The following FASN variants were observed in gnomAD, a reference collection of about 807,000 sequenced individuals.
The protein encoded by FASN is 3-hydroxyacyl-[acyl-carrier-protein] dehydratase.
Under a neutral mutation model 250.0 loss-of-function variants are expected in FASN, and 50 were observed. That is an observed-to-expected ratio of 0.20 (90% CI 0.16 to 0.25). The LOEUF (loss-of-function observed/expected upper bound fraction) is 0.25. Among genes scored for constraint, FASN ranks in the 10% least tolerant of loss-of-function variants. FASN has a pLI of 1.00. For synonymous variants in FASN, 1,909 were observed against 1,584.0 expected (o/e 1.21, Z -4.87); for missense variants, 3,031 against 3,498.5 (o/e 0.87, Z 3.37).
At position 82,082,336 on chromosome 17, in the gene FASN, G is replaced by C. The variant is rs1415038865; in HGVS notation, c.5998C>G (p.Leu2000Val). 1 of 1,612,752 alleles carries C rather than the reference G, an allele frequency of 6.2e-7. No homozygotes were observed. The change falls in exon 35 of 43, where the codon CTG becomes GTG. Residue 2000 changes from leucine (L) to valine (V), a missense_variant. Physicochemically the swap from Leu to Val is conservative, Grantham distance 32. Transcript: ENST00000306749. ...DVCKPKYSGT[L>V]NLDRVTREAC... ...TGCGGTACCCACCTGTCCAGGTTCA[G>C]GGTGCCGCTGTACTTGGGCTTGCAG...
intron 19 of FASN, 87 bp downstream of exon 19, chr17:82,087,598 C>T: frequency 1.9e-6 from 3 of 1,600,770 alleles, no homozygotes; most frequent in Non-Finnish European, 1.7e-6. Flanking sequence ...TCCCAAGCTG[C>T]ATGCCTAGCT....
chr17:82,080,527 T>C lies in FASN; in HGVS notation c.6890A>G (p.Gln2297Arg). 6.4e-7 allele frequency: 1 copy of C among 1,561,192 alleles called. No individual in the cohort carries two copies. Among genetic ancestry groups the C allele is most frequent in the Non-Finnish European group, 8.7e-7 (1 of 1,153,792 alleles). The change falls in exon 40 of 43, where the codon CAG becomes CGG. Residue 2297 changes from glutamine (Q) to arginine (R), a missense_variant. By Grantham distance (43) the Gln-to-Arg change is conservative. Coordinates refer to ENST00000306749, the MANE Select transcript of FASN (RefSeq NM_004104.5). ...AYYIDCIRQV[Q>R]PEGPYRVAGY... ...GGCCACGCGGTAGGGGCCCTCGGGC[T>C]GCACCTGCCTGATGCAGTCGATGTA...
In FASN at chr17:82,082,900, C is replaced by G; in HGVS notation, c.5767+14G>C. ...CTGGCCCAGGCTGGTCCACAAGCAC[C>G]CCTGCCGACTCACCTGTCCGGATCC... On this transcript the variant is annotated intron_variant, in intron 33 of 42. Transcript: ENST00000306749. The G allele has an allele frequency of 1.2e-6, 2 of 1,612,414 alleles. No individual in the cohort carries two copies. Among genetic ancestry groups the G allele is most frequent in the Non-Finnish European group, 1.7e-6 (2 of 1,179,796 alleles).
chr17:82,096,698 G>A (rs2034310197), intron 1 of FASN: 1 of 555,296 alleles, frequency 1.8e-6, no homozygotes, highest in African/African-American at 1.9e-5. Flanking sequence ...TTCAGTTCAG[G>A]GTATTGGCTG....
rs763156226 is a variant in FASN, at chr17:82,083,647, G to A, written c.5219-8C>T. 1.2e-6 allele frequency: 2 copies of A among 1,604,226 alleles called. No individual in the cohort carries two copies. The highest frequency in any genetic ancestry group is 1.7e-6 in the Non-Finnish European group (2 of 1,176,520). ...TCAAGACCAGGTCAACGCCTAGGGG[G>A]CCAGAGGGGCCAGACAATCACACCC... is the stretch of plus-strand genomic sequence containing the variant. On this transcript the variant is annotated splice_polypyrimidine_tract_variant and splice_region_variant and intron_variant, in intron 30 of 42. Transcript: ENST00000306749.
chr17:82,080,779 C>G lies in FASN; in HGVS notation c.6739G>C (p.Val2247Leu), dbSNP rs1054175917. 2 of 1,604,496 alleles carry G rather than the reference C, an allele frequency of 1.2e-6. No individual in the cohort carries two copies. Among genetic ancestry groups the G allele is most frequent in the African/African-American group, 2.7e-5 (2 of 74,742 alleles). The change falls in exon 39 of 43, where the codon GTG (valine) becomes CTG (leucine). Residue 2247 changes from valine (V) to leucine (L), a missense_variant. By Grantham distance (32) the Val-to-Leu change is conservative. Transcript: ENST00000306749. Reference sequence around the variant, plus strand: ...GTGGTGGAGCCCTCGATTGGGTGCACCAGGAACAGGGGCCGCTCCGAGCTC... The same window carrying G: ...GTGGTGGAGCCCTCGATTGGGTGCAGCAGGAACAGGGGCCGCTCCGAGCTC... Reference protein sequence around the residue: ...VQSSERPLFLVHPIEGSTTVF... With the variant: ...VQSSERPLFLLHPIEGSTTVF...
rs770021010 is a variant in FASN, at chr17:82,091,203, G to A, written c.1492+19C>T. 6 of 1,601,378 alleles carry A rather than the reference G, an allele frequency of 3.7e-6. No homozygotes were observed. The Admixed American group carries it at 8.4e-5, about 22-fold the overall frequency. ...TTCCCCAGGGAAGGGACCACCTTGG[G>A]GGCAGAGTGTGGGCTCACCAGAGCA... On this transcript the variant is annotated intron_variant, in intron 9 of 42. Coordinates refer to ENST00000306749, the MANE Select transcript of FASN (RefSeq NM_004104.5).
At position 82,088,990 on chromosome 17, in the gene FASN, G is replaced by T. The variant is rs141668388; in HGVS notation, c.2283C>A (p.Ile761=). ...CTACCTGCAGCAGGGCGTGGGGCGC[G>T]ATCTCCAGCACCACCGCGTGCTCAG... ...HVPEHAVVLE[I]APHALLQAVL... is the part of the protein sequence containing the mutation. The change falls in exon 14 of 43, where the codon ATC becomes ATA. Residue 761 remains isoleucine (I), a synonymous_variant. Transcript: ENST00000306749. The T allele has an allele frequency of 6.2e-7, 1 of 1,609,186 alleles. No individual in the cohort carries two copies. Among genetic ancestry groups the T allele is most frequent in the Non-Finnish European group, 8.5e-7 (1 of 1,178,412 alleles).
In FASN at chr17:82,081,362, A is replaced by T. The variant is rs754431469; in HGVS notation, c.6407-10T>A. ...GCCAAGTCGCGGATGCCTGGAAGGG[A>T]TGCGCCGGGTCGGCAACTCCAGAGG... On this transcript the variant is annotated splice_polypyrimidine_tract_variant and intron_variant, in intron 37 of 42. Transcript: ENST00000306749. The T allele has an allele frequency of 6.4e-7, 1 of 1,558,818 alleles. No individual in the cohort carries two copies. The highest frequency in any genetic ancestry group is 1.2e-5 in the South Asian group (1 of 85,584).
Position 82,080,577 on chromosome 17 carries a change from G to A in FASN, c.6840C>T (p.Asp2280=), listed in dbSNP as rs766219298. 4.5e-5 allele frequency: 70 copies of A among 1,556,134 alleles called. No homozygotes were observed. Among genetic ancestry groups the A allele is most frequent in the Non-Finnish European group, 5.8e-5 (67 of 1,150,842 alleles). ...GLQCTRAAPL[D]SIHSLAAYYI... ...AGTAGGCAGCCAGGCTGTGGATGCTGTCAAGGGGCGCAGCTGCAATGGCAG... is the reference window on the plus strand; with the variant it reads ...AGTAGGCAGCCAGGCTGTGGATGCTATCAAGGGGCGCAGCTGCAATGGCAG... Residue 2280 remains aspartate, a synonymous_variant, in exon 40 of 43, where the codon GAC becomes GAT. Coordinates refer to ENST00000306749, the MANE Select transcript of FASN (RefSeq NM_004104.5).
chr17:82,093,939 C>T (rs2034261360), intron 3 of FASN, among the ~76,000 whole-genome samples, 168 bp from the exon 4 acceptor site: 1 of 150,616 alleles, frequency 6.6e-6, no homozygotes, highest in Non-Finnish European at 1.5e-5. Context: ...GTGAGGTGTC[C>T]TGCAGAGGGG....
At chr17:82,090,671 T>C in intron 10 of FASN, 107 bp from the exon 11 acceptor site, 3 of 1,143,918 alleles carry the variant, frequency 2.6e-6, no homozygotes, top group Non-Finnish European at 3.9e-6. Context: ...CCATCGACCC[T>C]CCCAGGTCTC....
intron 28 of FASN, 23 bp downstream of exon 28, chr17:82,084,211 G>C (rs759099007): frequency 6.2e-7 from 1 of 1,610,720 alleles, no homozygotes; most frequent in South Asian, 1.1e-5. Context: ...TGGGGCCCAG[G>C]CTCACACCCT....
Position 82,078,551 on chromosome 17 carries a change from G to A in FASN, c.*592C>T, listed in dbSNP as rs1041320725. The stretch of plus-strand genomic sequence containing the variant: ...GCCGGGCATAAGGGCAGCACCCCAC[G>A]GGTGGCTGTGCGGGGGGCCGCTGGG... On this transcript the variant is annotated 3_prime_UTR_variant, in exon 43 of 43. Coordinates refer to ENST00000306749, the MANE Select transcript of FASN (RefSeq NM_004104.5). This position sits in a 1 kb window ranked among gnomAD's most constrained non-coding sequence, Gnocchi z 5.4. 1.8e-5 allele frequency: 3 copies of A among 163,528 alleles called. No homozygotes were observed. Among genetic ancestry groups the A allele is most frequent in the African/African-American group, 4.8e-5 (2 of 41,398 alleles). The allele number at this position is 163,528 out of a possible 1,614,324, so 10.1% of individuals were successfully genotyped here.
Position 82,087,338 on chromosome 17 carries a change from C to T in FASN, c.3210G>A (p.Gln1070=). ...GGGCGGGGCTACCTTGGGCCTTGTC[C>T]TGCAGTGTGTACAGCTTCTGCCTGT... ...ATHRQKLYTL[Q]DKAQVADVVV... is the part of the protein sequence containing the mutation. Residue 1070 remains glutamine, a synonymous_variant, in exon 20 of 43, where the codon CAG becomes CAA. Coordinates refer to ENST00000306749, the MANE Select transcript of FASN (RefSeq NM_004104.5). 2 of 1,611,944 alleles carry T rather than the reference C, an allele frequency of 1.2e-6. No individual in the cohort carries two copies. The highest frequency in any genetic ancestry group is 1.7e-6 in the Non-Finnish European group (2 of 1,179,806).
Position 82,086,328 on chromosome 17 carries a change from C to G in FASN, c.3658G>C (p.Asp1220His). 3 of 1,604,804 alleles carry G rather than the reference C, an allele frequency of 1.9e-6. No individual in the cohort carries two copies. Among genetic ancestry groups the G allele is most frequent in the Non-Finnish European group, 2.5e-6 (3 of 1,178,816 alleles). The change falls in exon 22 of 43, where the codon GAC becomes CAC. Residue 1220 changes from aspartate to histidine, a missense_variant. By Grantham distance (81) the Asp-to-His change is moderately conservative. Coordinates refer to ENST00000306749, the MANE Select transcript of FASN (RefSeq NM_004104.5). Reference sequence around the variant, plus strand: ...AGGCAGGCCTTGAGTGCCGGGGAGTCCAGGAGGCCGCTGAGCAGAGGGTCC... The same window carrying G: ...AGGCAGGCCTTGAGTGCCGGGGAGTGCAGGAGGCCGCTGAGCAGAGGGTCC... ...PEDPLLSGLL[D>H]SPALKACLDT...
At chr17:82,089,520 G>A (rs1407570144) in intron 12 of FASN, 112 bp downstream of exon 12, 23 of 1,552,100 alleles carry the variant, frequency 1.5e-5, no homozygotes, top group Non-Finnish European at 1.8e-5. Context: ...CCTGCCCCAT[G>A]CCCCAGGCCC....
rs780777690 is a variant in FASN at position 82,087,708 on chromosome 17, C to G, written c.3020G>C (p.Gly1007Ala). 2.5e-6 allele frequency: 4 copies of G among 1,612,028 alleles called. No individual in the cohort carries two copies. In the Admixed American group the frequency reaches 6.7e-5, roughly 27 times the overall value. ...RGYDYGPHFQ[G>A]ILEASLEGDS... ...ACCTTCCAGGCTGGCCTCCAGGATG[C>G]CCTGGAAATGAGGGCCGTAGTCGTA... Residue 1007 changes from glycine (G) to alanine (A), a missense_variant, in exon 19 of 43, where the codon GGC (glycine) becomes GCC (alanine). By Grantham distance (60) the Gly-to-Ala change is moderately conservative. Coordinates refer to ENST00000306749, the MANE Select transcript of FASN (RefSeq NM_004104.5).
At position 82,083,640 on chromosome 17, in the gene FASN, C is replaced by A; in HGVS notation, c.5219-1G>T. The A allele has an allele frequency of 6.2e-7, 1 of 1,607,474 alleles. No individual in the cohort carries two copies. Among genetic ancestry groups the A allele is most frequent in the South Asian group, 1.1e-5 (1 of 90,206 alleles). On this transcript the variant is annotated splice_acceptor_variant, in intron 30 of 42. Transcript: ENST00000306749. LOFTEE classifies it high-confidence loss of function. The stretch of plus-strand genomic sequence containing the variant: ...AAGGAGTTCAAGACCAGGTCAACGC[C>A]TAGGGGGCCAGAGGGGCCAGACAAT...
Sources: gnomAD v4.1 joint callset for allele counts (sites outside exome capture counted in the v4.1 genomes callset) on GRCh38, gnomAD v4.1.1 for gene constraint, Gnocchi (gnomAD v3.1) non-coding constraint, MANE v1.5 for transcripts, NCBI Gene and HGNC (gene_info 2026-07-23, HGNC 2026-07-21) for gene names.